The following DNAH17 variants were observed in gnomAD, a reference collection of about 807,000 sequenced individuals.
DNAH17 encodes the protein axonemal beta dynein heavy chain 17.
In DNAH17, 376 loss-of-function variants were observed where a neutral mutation model predicts 485.6. That is an observed-to-expected ratio of 0.77 (90% confidence interval 0.71 to 0.84). DNAH17 has a LOEUF of 0.84. DNAH17 is among the 40% of genes least tolerant of loss of function. The pLI is 0.00. For synonymous variants in DNAH17, 3,031 were observed against 2,405.9 expected (o/e 1.26, Z -7.60); for missense variants, 6,370 against 5,839.3 (o/e 1.09, Z -2.96).
In DNAH17 at chr17:78,423,761, G is replaced by A. The variant is rs112488587; in HGVS notation, c.*145C>T. 3.8e-5 allele frequency: 41 copies of A among 1,080,770 alleles called. 1 individual carries two copies. The highest frequency in any genetic ancestry group is 2.4e-4 in the African/African-American group (15 of 63,664). 66.9% of individuals were successfully genotyped at this position (1,080,770 alleles called of 1,614,324 possible). A position where few individuals can be genotyped will look rare whatever the true frequency, so the allele number is the denominator to read the frequency against. ...ACACCAACCTCCACCCTCTGGTTCC[G>A]ATGTGCTTGGTTACAAAGCACCTGA... On this transcript the variant is annotated 3_prime_UTR_variant, in exon 81 of 81. Coordinates refer to ENST00000389840, the MANE Select transcript of DNAH17 (RefSeq NM_173628.4).
At chr17:78,446,519 G>A (rs566295061) in intron 69 of DNAH17, among the ~76,000 whole-genome samples, 1 of 152,338 alleles carries the variant, frequency 6.6e-6, no homozygotes, top group East Asian at 1.9e-4. Context: ...GTAAGGCCGA[G>A]TAATACTCCA....
intron 69 of DNAH17, among the ~76,000 whole-genome samples, chr17:78,446,078 G>A (rs1278460200): frequency 7.0e-6 from 1 of 142,724 alleles, no homozygotes; most frequent in South Asian, 2.2e-4. Context: ...GGATGCTGAG[G>A]CAGGAGAATC....
At position 78,450,414 on chromosome 17, in the gene DNAH17, G is replaced by T; in HGVS notation, c.10900-20C>A. 1 of 1,613,158 alleles carries T rather than the reference G, an allele frequency of 6.2e-7. No individual in the cohort carries two copies. Among genetic ancestry groups the T allele is most frequent in the Admixed American group, 1.7e-5 (1 of 59,884 alleles). On this transcript the variant is annotated intron_variant, in intron 67 of 80. Coordinates refer to ENST00000389840, the MANE Select transcript of DNAH17 (RefSeq NM_173628.4). Reference sequence around the variant, plus strand: ...CACCACCTCGACACAAACAAAAGGGGTGTGAATGACACAGCAGATGGGCAG... The same window carrying T: ...CACCACCTCGACACAAACAAAAGGGTTGTGAATGACACAGCAGATGGGCAG...
chr17:78,503,169 C>CTTT lies in DNAH17; in HGVS notation c.4957-161_4957-159dup, dbSNP rs397856727. 2.6e-4 allele frequency: 33 copies of CTTT among 127,600 alleles called. 2 individuals are homozygous for CTTT. Among genetic ancestry groups the CTTT allele is most frequent in the South Asian group, 4.3e-4 (5 of 11,736 alleles). The allele number at this position is 127,600 out of a possible 1,614,324, so 7.9% of individuals were successfully genotyped here. A position where few individuals can be genotyped will look rare whatever the true frequency, so the allele number is the denominator to read the frequency against. ...TTACAGAGCAGTAACAGTGACACAC[C>CTTT]TTTTTTTTTTTTTTTTTTTTTTTTT... On this transcript the variant is annotated intron_variant, in intron 31 of 80. Coordinates refer to ENST00000389840, the MANE Select transcript of DNAH17 (RefSeq NM_173628.4).
At chr17:78,460,338 G>GTGTGTGCATGTGTGTGCATC in intron 58 of DNAH17, 81 bp from the exon 59 acceptor site, 1 of 910,936 alleles carries the variant, frequency 1.1e-6, no homozygotes, top group South Asian at 1.6e-5. Context: ...GTGTGTGCAT[G>GTGTGTGCATGTGTGTGCATC]TGTGTGCATG....
At chr17:78,436,440 G>A (rs1452957383) in intron 74 of DNAH17, among the ~76,000 whole-genome samples, 2 of 151,402 alleles carry the variant, frequency 1.3e-5, no homozygotes, top group Non-Finnish European at 2.9e-5. Context: ...AAAAAAATAG[G>A]GTGTCAAACC....
intron 71 of DNAH17, among the ~76,000 whole-genome samples, chr17:78,443,545 CTTTTTATTTTTA>C (rs59174748): frequency 3.8e-4 from 57 of 150,874 alleles, no homozygotes; most frequent in South Asian, 2.5e-3. Context: ...GAAGGGAATT[CTTTTTATTTTTA>C]TTTTTATTTT....
chr17:78,450,208 C>T, intron 68 of DNAH17, 46 bp downstream of exon 68: 1 of 1,607,050 alleles, frequency 6.2e-7, no homozygotes, highest in Non-Finnish European at 8.5e-7. Context: ...AGCCCAGATG[C>T]AGCCCCACCT....
intron 19 of DNAH17, among the ~76,000 whole-genome samples, chr17:78,536,286 A>T (rs12952760): frequency 0.038 from 5,298 of 140,648 alleles, 130 homozygotes; most frequent in African/African-American, 0.077. Flanking sequence ...AAAAATATAT[A>T]AAAAAAAAGA....
rs373383385 is a variant in DNAH17 at position 78,494,066 on chromosome 17, G to A, written c.6378C>T (p.Ile2126=). 1.9e-5 allele frequency: 30 copies of A among 1,612,724 alleles called. No individual in the cohort carries two copies. Among genetic ancestry groups the A allele is most frequent in the Middle Eastern group, 1.6e-4 (1 of 6,084 alleles). ...ELLQVRHSVF[I]VGNAGSGKSQ... ...ATTTGCCGCTGCCCGCATTCCCGAC[G>A]ATGAACACGGAGTGGCGGACCTGCA... The change falls in exon 41 of 81, where the codon ATC becomes ATT. Residue 2126 remains isoleucine (I), a synonymous_variant. Transcript: ENST00000389840.
Position 78,425,545 on chromosome 17 carries a change from A to C in DNAH17, c.12942T>G (p.Phe4314Leu), listed in dbSNP as rs142772880. Reference protein sequence around the residue: ...IRELEAWTTDFALPTTVWLAG... With the variant: ...IRELEAWTTDLALPTTVWLAG... ...CCAGCCACACGGTGGTGGGCAGGGC[A>C]AAGTCTGTCGTCCAGGCCTCGAGTT... is the stretch of plus-strand genomic sequence containing the variant. Residue 4314 changes from phenylalanine (F) to leucine (L), a missense_variant, in exon 80 of 81, where the codon TTT (phenylalanine) becomes TTG (leucine). Physicochemically the swap from Phe to Leu is conservative, Grantham distance 22 (BLOSUM62 0). Transcript: ENST00000389840. The C allele has an allele frequency of 5.1e-3, 8,256 of 1,612,950 alleles. 35 individuals carry two copies. The highest frequency in any genetic ancestry group is 0.024 in the Middle Eastern group (148 of 6,044).
In DNAH17 at chr17:78,475,788, G is replaced by A. The variant is rs1382818525; in HGVS notation, c.8200C>T (p.His2734Tyr). Residue 2734 changes from histidine to tyrosine, a missense_variant, in exon 53 of 81, where the codon CAC becomes TAC. By Grantham distance (83) the His-to-Tyr change is moderately conservative. Transcript: ENST00000389840. ...GGATCGCCAATCCCTTGAGCAAAGTGGCAGAAGATATTTGGCTTGGCAAAT... is the reference window on the plus strand; with the variant it reads ...GGATCGCCAATCCCTTGAGCAAAGTAGCAGAAGATATTTGGCTTGGCAAAT... ...LLFAKPNIFC[H>Y]FAQGIGDPKY... The A allele has an allele frequency of 1.2e-6, 2 of 1,613,922 alleles. No individual in the cohort carries two copies. The highest frequency in any genetic ancestry group is 1.7e-5 in the Admixed American group (1 of 60,024).
At position 78,423,815 on chromosome 17, in the gene DNAH17, A is replaced by G; in HGVS notation, c.*91T>C. On this transcript the variant is annotated 3_prime_UTR_variant, in exon 81 of 81. Transcript: ENST00000389840. The stretch of plus-strand genomic sequence containing the variant: ...TTTAAGAGAACGAAAAACCACCACC[A>G]GTTCCTGTAAAGAATAAGTCACAGG... 6.7e-7 allele frequency: 1 copy of G among 1,481,810 alleles called. No homozygotes were observed. Among genetic ancestry groups the G allele is most frequent in the Non-Finnish European group, 9.2e-7 (1 of 1,086,210 alleles). 91.8% of individuals were successfully genotyped at this position (1,481,810 alleles called of 1,614,324 possible).
At chr17:78,427,221 A>G in intron 77 of DNAH17, 113 bp from the exon 78 acceptor site, 1 of 1,102,068 alleles carries the variant, frequency 9.1e-7, no homozygotes, top group Non-Finnish European at 1.3e-6. Flanking sequence ...GAGAGGAGGG[A>G]AGAGGCAAGT....
Position 78,480,713 on chromosome 17 carries a change from C to T in DNAH17, c.7723G>A (p.Gly2575Arg), listed in dbSNP as rs932713541. The T allele has an allele frequency of 6.8e-6, 11 of 1,613,384 alleles. No homozygotes were observed. Among genetic ancestry groups the T allele is most frequent in the Middle Eastern group, 1.6e-4 (1 of 6,082 alleles). The change falls in exon 49 of 81, where the codon GGA becomes AGA. Residue 2575 changes from glycine to arginine, a missense_variant. Physicochemically the swap from Gly to Arg is moderately radical, Grantham distance 125. Transcript: ENST00000389840. ...AGCCTGGAGTCGATGGTGAAGGATC[C>T]GGAAGTGGGGTTCATGCAGGCCACG... ...QYVACMNPTS[G>R]SFTIDSRLQR...
rs758965425 is a variant in DNAH17 at position 78,450,256 on chromosome 17, T to C, written c.11038A>G (p.Lys3680Glu). The change falls in exon 68 of 81, where the codon AAG (lysine) becomes GAG (glutamate). Residue 3680 changes from lysine (K) to glutamate (E), a missense_variant and splice_region_variant. Lys to Glu is a moderately conservative substitution (Grantham distance 56). Coordinates refer to ENST00000389840, the MANE Select transcript of DNAH17 (RefSeq NM_173628.4). ...KINPVYQFSLKAFNVVFEKAI... is the reference protein window; with the variant it reads ...KINPVYQFSLEAFNVVFEKAI... The stretch of plus-strand genomic sequence containing the variant: ...CCAGCCCCAGCTGCAGGGCGCACCT[T>C]GAGGGAGAACTGGTAGACGGGGTTG... 3 of 1,613,832 alleles carry C rather than the reference T, an allele frequency of 1.9e-6. No individual in the cohort carries two copies. The South Asian group carries it at 3.3e-5, about 18-fold the overall frequency.
At chr17:78,567,274 C>T in intron 9 of DNAH17, 108 bp from the exon 10 acceptor site, 1 of 1,169,496 alleles carries the variant, frequency 8.6e-7, no homozygotes, top group South Asian at 1.4e-5. Context: ...AGCAAAATGT[C>T]CCCAGGAGAC....
At chr17:78,427,169 G>C (rs2086504860) in intron 77 of DNAH17, 61 bp from the exon 78 acceptor site, 1 of 1,525,226 alleles carries the variant, frequency 6.6e-7, no homozygotes, top group African/African-American at 1.4e-5. Context: ...CCCACTGCAG[G>C]GTCAGGGAGC....
In DNAH17 at chr17:78,533,733, G is replaced by A. The variant is rs574683588; in HGVS notation, c.2860-997C>T. 7.2e-5 allele frequency among the ~76,000 whole-genome samples: 11 copies of A among 152,234 alleles called. No homozygotes were observed. The East Asian group carries it at 1.2e-3, about 16-fold the overall frequency. On this transcript the variant is annotated intron_variant, in intron 19 of 80. Coordinates refer to ENST00000389840, the MANE Select transcript of DNAH17 (RefSeq NM_173628.4). The stretch of plus-strand genomic sequence containing the variant: ...AGAGTTTCGGTCTGTCACCCAGGCC[G>A]GAGTGCAGTGGCCCGATCTCAGCTC...
Sources: allele counts gnomAD v4.1 joint callset (sites outside exome capture counted in the v4.1 genomes callset), GRCh38; gene constraint gnomAD v4.1.1; transcripts MANE v1.5; gene names NCBI Gene and HGNC (gene_info 2026-07-23, HGNC 2026-07-21).